SORCS1: variants seen among roughly 807,000 people sequenced by gnomAD.
The protein encoded by SORCS1 is sortilin related VPS10 domain containing receptor 1.
In SORCS1, 60 loss-of-function variants were observed where a neutral mutation model predicts 146.1. The ratio of observed to expected loss-of-function variants is 0.41; its 90% CI spans 0.33 to 0.51. The LOEUF is 0.51. Ranked by LOEUF, SORCS1 falls within the 20% of genes least tolerant of loss-of-function variation. The pLI is 0.21. For missense variants in SORCS1, 1,352 were observed against 1,487.6 expected, an observed-to-expected ratio of 0.91 and a Z score of 1.50; for synonymous variants, 637 against 584.0, an observed-to-expected ratio of 1.09 and a Z score of -1.31.
At chr10:107,046,623 T>C (rs190746157) in intron 1 of SORCS1, among the ~76,000 whole-genome samples, 50 of 152,256 alleles carry the variant, frequency 3.3e-4, no homozygotes, top group Admixed American at 2.5e-3. Context: ...ATGAGCCTCA[T>C]GTACGTCAGA....
intron 3 of SORCS1, among the ~76,000 whole-genome samples, chr10:106,782,806 G>A (rs371289764): frequency 1.3e-5 from 2 of 152,286 alleles, no homozygotes; most frequent in East Asian, 1.9e-4. Flanking sequence ...ATATGTCCAC[G>A]TATATATTTC....
chr10:107,086,149 CAG>C (rs1222668286), intron 1 of SORCS1, among the ~76,000 whole-genome samples: 13 of 152,282 alleles, frequency 8.5e-5, no homozygotes, highest in Non-Finnish European at 1.5e-4. Flanking sequence ...CATTGCTTTC[CAG>C]AGACATGGAA....
intron 1 of SORCS1, among the ~76,000 whole-genome samples, chr10:106,983,510 C>T (rs1404141866): frequency 2.6e-5 from 4 of 151,992 alleles, no homozygotes; most frequent in African/African-American, 9.7e-5. Flanking sequence ...CCCTATCAGC[C>T]TTGCTTTTAT....
rs373947987 is a variant in SORCS1 at position 107,163,923 on chromosome 10, C to A, written c.558+46G>T. On this transcript the variant is annotated intron_variant, in intron 1 of 25. Transcript: ENST00000263054. ...ATCAGATCACACAGCCGACTTTAAC[C>A]CTTTCCATCTTTCCACCCCTTTACC... 2 of 1,570,528 alleles carry A rather than the reference C, an allele frequency of 1.3e-6. 1 individual carries two copies. The highest frequency in any genetic ancestry group is 2.3e-5 in the South Asian group (2 of 85,408).
intron 3 of SORCS1, among the ~76,000 whole-genome samples, chr10:106,777,668 G>A (rs952593256): frequency 2.0e-5 from 3 of 152,168 alleles, no homozygotes; most frequent in South Asian, 2.1e-4. Flanking sequence ...CAGAGCAATG[G>A]GATCAATCAC....
intron 1 of SORCS1, among the ~76,000 whole-genome samples, chr10:107,133,772 G>T (rs1017436449): frequency 1.3e-5 from 2 of 152,142 alleles, no homozygotes; most frequent in African/African-American, 4.8e-5. Context: ...CAGAACTTTA[G>T]AAATGTGCCA....
intron 2 of SORCS1, among the ~76,000 whole-genome samples, chr10:106,943,052 G>C (rs1954133841): frequency 6.6e-6 from 1 of 152,126 alleles, no homozygotes; most frequent in Non-Finnish European, 1.5e-5. Context: ...ACTAGTCAGA[G>C]GTGCTCAGTG....
intron 1 of SORCS1, among the ~76,000 whole-genome samples, chr10:107,066,771 T>G (rs1961905427): frequency 6.6e-6 from 1 of 152,136 alleles, no homozygotes; most frequent in Admixed American, 6.5e-5. Flanking sequence ...GGAGGGAGAA[T>G]AAATAGTGTG....
intron 1 of SORCS1, among the ~76,000 whole-genome samples, chr10:107,014,536 T>C (rs1462431373): frequency 6.6e-6 from 1 of 152,178 alleles, no homozygotes; most frequent in Non-Finnish European, 1.5e-5. Flanking sequence ...ACAGCCAAAA[T>C]GGAACCGAAT....
In SORCS1 at chr10:106,926,780, G is replaced by A. The variant is rs147280376; in HGVS notation, c.626+29733C>T. Among the ~76,000 whole-genome samples, 577 of 150,946 alleles carry A rather than the reference G, an allele frequency of 3.8e-3. 4 individuals are homozygous for A. Among genetic ancestry groups the A allele is most frequent in the African/African-American group, 0.013 (533 of 41,080 alleles). ...GCATTAAGATGGTACTAGATCAAGG[G>A]TCTCAAACCATAGCCATTCTTCCTC... is the stretch of plus-strand genomic sequence containing the variant. On this transcript the variant is annotated intron_variant, in intron 2 of 25. Transcript: ENST00000263054.
rs1197059994 is a variant in SORCS1, at chr10:106,776,674, G to T, written c.745C>A (p.Pro249Thr). The change falls in exon 4 of 26, where the codon CCG becomes ACG. Residue 249 changes from proline (P) to threonine (T), a missense_variant. Pro to Thr is a conservative substitution (Grantham distance 38, BLOSUM62 -1). Around this residue, in one of 3 missense-constraint regions of SORCS1, gnomAD observed 490 missense variants for 489.1 expected, o/e 1.00. Coordinates refer to ENST00000263054, the MANE Select transcript of SORCS1 (RefSeq NM_052918.5). ...NKRKIMLLTD[P>T]EIESSLLISS... ...ATCAATAAACTGCTCTCAATCTCCG[G>T]GTCTGTGAGTAACATTATCTGCAGC... The T allele has an allele frequency of 6.2e-7, 1 of 1,613,212 alleles. No individual in the cohort carries two copies. Among genetic ancestry groups the T allele is most frequent in the Non-Finnish European group, 8.5e-7 (1 of 1,179,438 alleles).
chr10:106,867,354 G>A (rs780110083), intron 2 of SORCS1, among the ~76,000 whole-genome samples: 7 of 150,752 alleles, frequency 4.6e-5, no homozygotes, highest in Non-Finnish European at 4.4e-5. Flanking sequence ...GTGCAGTCTC[G>A]GCTCACTGCA....
Position 106,876,626 on chromosome 10 carries a change from G to A in SORCS1, c.627-46953C>T, listed in dbSNP as rs943296403. 5.9e-5 allele frequency among the ~76,000 whole-genome samples: 9 copies of A among 152,284 alleles called. No individual in the cohort carries two copies. The East Asian group carries it at 7.7e-4, about 13-fold the overall frequency. On this transcript the variant is annotated intron_variant, in intron 2 of 25. Coordinates refer to ENST00000263054, the MANE Select transcript of SORCS1 (RefSeq NM_052918.5). ...ACACAGTGGGTGGCAGTGGAATGAC[G>A]GACAGGATGCCCAAGTGGTCTGGCA...
At chr10:107,181,034 T>TA in the SORCS1 span, among the ~76,000 whole-genome samples, 1 of 152,274 alleles carries the variant, frequency 6.6e-6, no homozygotes, top group South Asian at 2.1e-4. Flanking sequence ...TAAAATATTA[T>TA]AAAATAGTAA....
chr10:106,781,420 A>G (rs569571414), intron 3 of SORCS1, among the ~76,000 whole-genome samples: 1 of 152,240 alleles, frequency 6.6e-6, no homozygotes, highest in East Asian at 1.9e-4. Flanking sequence ...TGCTGTGTGG[A>G]TATCTCTTTT....
chr10:106,785,118 G>C (rs1945996084), intron 3 of SORCS1, among the ~76,000 whole-genome samples: 1 of 152,102 alleles, frequency 6.6e-6, no homozygotes, highest in African/African-American at 2.4e-5. Context: ...GAGGGCTCTT[G>C]GGGAACAGCC....
intron 2 of SORCS1, among the ~76,000 whole-genome samples, chr10:106,905,012 T>C (rs888298750): frequency 1.1e-4 from 17 of 152,220 alleles, no homozygotes; most frequent in African/African-American, 1.7e-4. Flanking sequence ...ACAACTCTAC[T>C]GTGTAGATGA....
rs1484688044 is a variant in SORCS1, at chr10:106,960,252, A to G, written c.559-3672T>C. Among the ~76,000 whole-genome samples the G allele has an allele frequency of 6.6e-6, 1 of 152,170 alleles. No individual in the cohort carries two copies. Among genetic ancestry groups the G allele is most frequent in the Non-Finnish European group, 1.5e-5 (1 of 68,018 alleles). ...ATCCAGTTATTTCTGGGATTTCCAC[A>G]GTGACATGCTTCAAGTATCCCCCTC... On this transcript the variant is annotated intron_variant, in intron 1 of 25. Transcript: ENST00000263054. The surrounding 1 kb of genome is among the most constrained non-coding windows in gnomAD (Gnocchi z 4.4).
chr10:106,683,794 C>T (rs1392940142), intron 10 of SORCS1, among the ~76,000 whole-genome samples: 1 of 152,182 alleles, frequency 6.6e-6, no homozygotes, highest in Non-Finnish European at 1.5e-5. Context: ...GAAATACATA[C>T]TCATTTGTAT....
Sources: allele counts gnomAD v4.1 joint callset (sites outside exome capture counted in the v4.1 genomes callset), GRCh38; gene constraint gnomAD v4.1.1; regional missense constraint gnomAD v4.1.1; non-coding constraint Gnocchi (gnomAD v3.1); transcripts MANE v1.5; gene names NCBI Gene and HGNC (gene_info 2026-07-23, HGNC 2026-07-21).